Variants in BCL2L1 observed in about 807,000 individuals in gnomAD.
The protein encoded by BCL2L1 is BCL2 like 1.
A neutral mutation model predicts 18.7 loss-of-function variants in BCL2L1; 1 was observed. That is an observed-to-expected ratio of 0.05 (90% CI 0.02 to 0.25). The LOEUF (loss-of-function observed/expected upper bound fraction) is 0.25. BCL2L1 is among the 10% of genes least tolerant of loss of function. BCL2L1 has a pLI of 1.00. For missense variants in BCL2L1, 207 were observed against 304.9 expected, an observed-to-expected ratio of 0.68 and a Z score of 2.39; for synonymous variants, 103 against 122.7, an observed-to-expected ratio of 0.84 and a Z score of 1.06.
intron 2 of BCL2L1, among the ~76,000 whole-genome samples, chr20:31,684,647 T>C (rs191146619): frequency 1.3e-5 from 2 of 152,234 alleles, no homozygotes; most frequent in Non-Finnish European, 2.9e-5. Context: ...ACCCTTCTCA[T>C]CTCCACATTC....
intron 2 of BCL2L1, among the ~76,000 whole-genome samples, chr20:31,709,840 CAAAAAAAA>C (rs56937786): frequency 0.011 from 688 of 64,066 alleles, 21 homozygotes; most frequent in African/African-American, 0.027. Context: ...GACTCCATCT[CAAAAAAAA>C]AAAAAAAAAA....
At chr20:31,703,388 A>T (rs897625036) in intron 2 of BCL2L1, among the ~76,000 whole-genome samples, 3 of 152,026 alleles carry the variant, frequency 2.0e-5, no homozygotes, top group Admixed American at 1.3e-4. Flanking sequence ...CATGTTGGCC[A>T]GGCTGGTCTC....
intron 2 of BCL2L1, among the ~76,000 whole-genome samples, chr20:31,685,709 A>G (rs2060944477): frequency 1.3e-5 from 2 of 152,170 alleles, no homozygotes; most frequent in African/African-American, 4.8e-5. Context: ...GTTCCAAAGC[A>G]CTAAGATCCT....
At chr20:31,707,961 T>C (rs531114616) in intron 2 of BCL2L1, among the ~76,000 whole-genome samples, 3 of 152,190 alleles carry the variant, frequency 2.0e-5, no homozygotes, top group African/African-American at 7.2e-5. Flanking sequence ...AACGATGGAA[T>C]TTCTCCCAAG....
chr20:31,677,177 ATTT>A (rs1266746852), intron 2 of BCL2L1, among the ~76,000 whole-genome samples: 8 of 142,164 alleles, frequency 5.6e-5, no homozygotes, highest in Non-Finnish European at 6.0e-5. Flanking sequence ...AAAAATCCTT[ATTT>A]AATTTTTTTT....
chr20:31,693,080 A>C (rs571023712), intron 2 of BCL2L1, among the ~76,000 whole-genome samples: 11 of 151,082 alleles, frequency 7.3e-5, no homozygotes, highest in Non-Finnish European at 1.3e-4. Flanking sequence ...AAAAAAAAAA[A>C]CAAAAACAAA....
chr20:31,666,170 T>C, intron 2 of BCL2L1, 84 bp from the exon 3 acceptor site: 2 of 1,525,192 alleles, frequency 1.3e-6, no homozygotes, highest in Non-Finnish European at 1.8e-6. Flanking sequence ...CTGCATGCTA[T>C]GGCCTTGGTG....
chr20:31,718,527 T>C (rs1398987539), intron 2 of BCL2L1, among the ~76,000 whole-genome samples: 1 of 151,910 alleles, frequency 6.6e-6, no homozygotes, highest in Non-Finnish European at 1.5e-5. Context: ...TGGTGGCGCA[T>C]GCCTGTAATC....
In BCL2L1 at chr20:31,722,307, A is replaced by T. The variant is rs940934659; in HGVS notation, c.-89T>A. On this transcript the variant is annotated 5_prime_UTR_variant, in exon 2 of 3. Transcript: ENST00000307677. ...CGTCTCTGGTTAGTGATTCTCTTCT[A>T]AGATCCAAAGCCAAGATAAGATTCT... is the stretch of plus-strand genomic sequence containing the variant. 4 of 997,552 alleles carry T rather than the reference A, an allele frequency of 4.0e-6. No homozygotes were observed. Among genetic ancestry groups the T allele is most frequent in the Non-Finnish European group, 2.8e-6 (2 of 725,636 alleles). The allele number at this position is 997,552 out of a possible 1,614,324, so 61.8% of individuals were successfully genotyped here. A position where few individuals can be genotyped will look rare whatever the true frequency, so the allele number is the denominator to read the frequency against.
At chr20:31,703,109 A>G (rs1254241630) in intron 2 of BCL2L1, among the ~76,000 whole-genome samples, 5 of 151,474 alleles carry the variant, frequency 3.3e-5, no homozygotes, top group Non-Finnish European at 7.4e-5. Flanking sequence ...CAATGGTGCA[A>G]TCTTGGCTCA....
At chr20:31,723,602 A>T, upstream of BCL2L1, 1 of 985,272 alleles carries the variant, frequency 1.0e-6, no homozygotes, top group Non-Finnish European at 1.2e-6. Context: ...GACCTTCCTG[A>T]GAGGAGGGGC....
chr20:31,699,589 T>C (rs1469265839), intron 2 of BCL2L1, among the ~76,000 whole-genome samples: 1 of 152,238 alleles, frequency 6.6e-6, no homozygotes, highest in Non-Finnish European at 1.5e-5. Context: ...CTCCTTTTGC[T>C]AAGCAGCTTT....
chr20:31,702,540 T>TTTTG (rs2061294072), intron 2 of BCL2L1, among the ~76,000 whole-genome samples: 3 of 151,760 alleles, frequency 2.0e-5, no homozygotes, highest in Admixed American at 1.3e-4. Context: ...TGAGATGGAG[T>TTTTG]TTTGCTCTTG....
intron 2 of BCL2L1, among the ~76,000 whole-genome samples, chr20:31,674,931 A>T (rs1321048277): frequency 6.6e-6 from 1 of 151,952 alleles, no homozygotes; most frequent in Non-Finnish European, 1.5e-5. Flanking sequence ...TTTGGCAGCA[A>T]ACCCCATATT....
At chr20:31,676,525 C>T (rs753878335) in intron 2 of BCL2L1, among the ~76,000 whole-genome samples, 1 of 152,178 alleles carries the variant, frequency 6.6e-6, no homozygotes, top group African/African-American at 2.4e-5. Context: ...TCAACTCTCT[C>T]ATTTCAACCC....
At chr20:31,671,072 T>C (rs1220686365) in intron 2 of BCL2L1, among the ~76,000 whole-genome samples, 2 of 152,060 alleles carry the variant, frequency 1.3e-5, no homozygotes, top group South Asian at 2.1e-4. Context: ...CCTGTCTGCA[T>C]CCTCTGCTTG....
intron 2 of BCL2L1, among the ~76,000 whole-genome samples, chr20:31,713,816 G>GC (rs1246398601): frequency 6.6e-6 from 1 of 152,166 alleles, no homozygotes; most frequent in South Asian, 2.1e-4. Context: ...TAAAAGACTT[G>GC]CCCAAGGTCA....
At chr20:31,669,777 CGTTCCT>C (rs2060639232) in intron 2 of BCL2L1, among the ~76,000 whole-genome samples, 1 of 152,064 alleles carries the variant, frequency 6.6e-6, no homozygotes, top group African/African-American at 2.4e-5. Flanking sequence ...GGTCCTGTCT[CGTTCCT>C]ATACACCCAG....
chr20:31,679,135 A>G (rs2060812853), intron 2 of BCL2L1, among the ~76,000 whole-genome samples: 1 of 152,138 alleles, frequency 6.6e-6, no homozygotes, highest in African/African-American at 2.4e-5. Context: ...GCCCCAGTCC[A>G]TTACCCCTTT....
Sources: gnomAD v4.1 joint callset for allele counts (sites outside exome capture counted in the v4.1 genomes callset) on GRCh38, gnomAD v4.1.1 for gene constraint, MANE v1.5 for transcripts, NCBI Gene and HGNC (gene_info 2026-07-23, HGNC 2026-07-21) for gene names.